EPHB1: variants seen among roughly 807,000 people sequenced by gnomAD.
The protein encoded by EPHB1 is ephrin type-B receptor 1.
EPHB1 carries 30 observed loss-of-function variants against 94.4 expected under a neutral mutation model. The observed-to-expected ratio is 0.32, with a 90% CI of 0.24 to 0.43. The LOEUF (loss-of-function observed/expected upper bound fraction) is 0.43. EPHB1 is among the 20% of genes least tolerant of loss of function. The pLI is 1.00. For missense variants in EPHB1, 1,055 were observed against 1,308.3 expected (o/e 0.81, Z 2.99); for synonymous variants, 522 against 489.1 (o/e 1.07, Z -0.89).
intron 3 of EPHB1, among the ~76,000 whole-genome samples, chr3:134,967,520 T>A (rs959424817): frequency 1.3e-5 from 2 of 152,096 alleles, no homozygotes; most frequent in Non-Finnish European, 1.5e-5. Context: ...CTAGAGTGGA[T>A]CTTATAATAG....
chr3:134,806,107 T>C (rs1426774499), intron 1 of EPHB1, among the ~76,000 whole-genome samples: 1 of 152,236 alleles, frequency 6.6e-6, no homozygotes, highest in Non-Finnish European at 1.5e-5. Flanking sequence ...TCATGTCCTA[T>C]GTAGTCATTT....
Position 135,202,309 on chromosome 3 carries a change from CTCCCTAG to C in EPHB1, c.2346+626_2346+632del, listed in dbSNP as rs139278888. On this transcript the variant is annotated intron_variant, in intron 12 of 15. Coordinates refer to ENST00000398015, the MANE Select transcript of EPHB1 (RefSeq NM_004441.5). Reference sequence around the variant, plus strand: ...CTTGGGATTTACTCTCCAATATCCTCTCCCTAGTCCCTCCATCTCAGTAGTTGGCACC... The same window carrying C: ...CTTGGGATTTACTCTCCAATATCCTCTCCCTCCATCTCAGTAGTTGGCACC... Among the ~76,000 whole-genome samples the C allele has an allele frequency of 8.8e-3, 1,345 of 152,330 alleles. 7 individuals are homozygous for C. The highest frequency in any genetic ancestry group is 0.037 in the Middle Eastern group (11 of 294).
intron 5 of EPHB1, among the ~76,000 whole-genome samples, chr3:135,152,171 C>T (rs985235414): frequency 1.3e-5 from 2 of 151,900 alleles, no homozygotes; most frequent in African/African-American, 2.4e-5. Context: ...TTTTTTTCAG[C>T]AGGAATAGCT....
chr3:135,173,839 G>A (rs1941890670), intron 9 of EPHB1, among the ~76,000 whole-genome samples: 1 of 152,152 alleles, frequency 6.6e-6, no homozygotes, highest in South Asian at 2.1e-4. Context: ...ACATGTGCCA[G>A]CCCCTCTTAC....
chr3:135,227,022 T>A (rs536658222), intron 12 of EPHB1, among the ~76,000 whole-genome samples: 11 of 152,096 alleles, frequency 7.2e-5, no homozygotes, highest in Non-Finnish European at 1.3e-4. Context: ...TACTGAAGGG[T>A]GGGGGACCAG....
rs757820587 is a variant in EPHB1 at position 135,132,599 on chromosome 3, G to A, written c.962-115G>A. On this transcript the variant is annotated intron_variant, in intron 4 of 15. Coordinates refer to ENST00000398015, the MANE Select transcript of EPHB1 (RefSeq NM_004441.5). ...AGCATAGCCATTTGGGGTTGAGGAA[G>A]GAGTGGGAGGCGAGCGCACTGATGA... The A allele has an allele frequency of 8.2e-6, 7 of 851,518 alleles. 1 individual carries two copies. In the South Asian group the frequency reaches 9.4e-5, roughly 11 times the overall value. The allele number at this position is 851,518 out of a possible 1,614,324, so 52.7% of individuals were successfully genotyped here.
intron 1 of EPHB1, among the ~76,000 whole-genome samples, chr3:134,907,646 C>A (rs556919623): frequency 4.6e-4 from 69 of 151,326 alleles, no homozygotes; most frequent in Non-Finnish European, 7.4e-4. Flanking sequence ...AAGTGACTGA[C>A]CCCCCTGCCC....
intron 3 of EPHB1, among the ~76,000 whole-genome samples, chr3:135,093,488 T>C (rs1938633381): frequency 6.6e-6 from 1 of 152,154 alleles, no homozygotes; most frequent in South Asian, 2.1e-4. Flanking sequence ...GAGGCCAATA[T>C]GGGCAGATCA....
At chr3:134,905,892 G>A (rs924435829) in intron 1 of EPHB1, among the ~76,000 whole-genome samples, 1 of 152,112 alleles carries the variant, frequency 6.6e-6, no homozygotes, top group South Asian at 2.1e-4. Context: ...AGCCCCCTTT[G>A]CCCATCTGCT....
chr3:134,878,050 T>C (rs2037653598), intron 1 of EPHB1, among the ~76,000 whole-genome samples: 1 of 152,196 alleles, frequency 6.6e-6, no homozygotes. Flanking sequence ...GCATGGAGAT[T>C]ACCCCAGCCT....
chr3:134,807,735 T>A (rs1405540070), intron 1 of EPHB1, among the ~76,000 whole-genome samples: 1 of 151,958 alleles, frequency 6.6e-6, no homozygotes, highest in Non-Finnish European at 1.5e-5. Context: ...GAAAAGACTC[T>A]CTACAGAGGT....
rs539989607 is a variant in EPHB1 at position 134,939,382 on chromosome 3, G to C, written c.124-11989G>C. ...CAGGCCATGGTAATGAATGGGGGGT[G>C]GGGGGGTGGCATTCCTGTCCTCTCA... On this transcript the variant is annotated intron_variant, in intron 2 of 15. Transcript: ENST00000398015. 4.3e-5 allele frequency among the ~76,000 whole-genome samples: 6 copies of C among 140,972 alleles called. No homozygotes were observed. The South Asian group carries it at 1.1e-3, about 27-fold the overall frequency. The allele number at this position is 140,972 out of a possible 152,430, so 92.5% of individuals were successfully genotyped here.
chr3:134,885,301 T>G (rs1320074854), intron 1 of EPHB1, among the ~76,000 whole-genome samples: 1 of 152,162 alleles, frequency 6.6e-6, no homozygotes, highest in Non-Finnish European at 1.5e-5. Flanking sequence ...GAACAGAGCA[T>G]CAGTGAACTG....
chr3:134,824,649 G>A (rs1334007073), intron 1 of EPHB1, among the ~76,000 whole-genome samples: 1 of 152,174 alleles, frequency 6.6e-6, no homozygotes, highest in Admixed American at 6.5e-5. Flanking sequence ...TGTGGCAGAG[G>A]TGATGGTCTG....
At chr3:134,901,710 G>A (rs1468811897) in intron 1 of EPHB1, among the ~76,000 whole-genome samples, 1 of 152,246 alleles carries the variant, frequency 6.6e-6, no homozygotes, top group East Asian at 1.9e-4. Context: ...TGCAGCTTGG[G>A]CATGAGAGAG....
chr3:134,849,054 G>C (rs1377279805), intron 1 of EPHB1, among the ~76,000 whole-genome samples: 3 of 152,248 alleles, frequency 2.0e-5, no homozygotes, highest in African/African-American at 7.2e-5. Context: ...GAACAGGAGG[G>C]ACAGAAGTGC....
At chr3:134,882,775 T>TTTTTTCTTTCTTTCTTTCTTTCC (rs2037773417) in intron 1 of EPHB1, among the ~76,000 whole-genome samples, 1 of 33,412 alleles carries the variant, frequency 3.0e-5, no homozygotes, top group Non-Finnish European at 8.5e-5. Context: ...CCTTTCTTTC[T>TTTTTTCTTTCTTTCTTTCTTTCC]TTCTTTCTTT....
At chr3:134,947,507 A>G (rs1405194819) in intron 2 of EPHB1, among the ~76,000 whole-genome samples, 1 of 151,924 alleles carries the variant, frequency 6.6e-6, no homozygotes, top group Non-Finnish European at 1.5e-5. Flanking sequence ...CTTTCTCTCA[A>G]TTTGCTTCTA....
chr3:135,100,514 T>C (rs1157662390), intron 3 of EPHB1, among the ~76,000 whole-genome samples: 2 of 152,204 alleles, frequency 1.3e-5, no homozygotes, highest in Admixed American at 1.3e-4. Flanking sequence ...TAATTTCCTC[T>C]TCCTGGCTGC....
Sources: gnomAD v4.1 joint callset for allele counts (sites outside exome capture counted in the v4.1 genomes callset) on GRCh38, gnomAD v4.1.1 for gene constraint, MANE v1.5 for transcripts, NCBI Gene and HGNC (gene_info 2026-07-23, HGNC 2026-07-21) for gene names.